Variants in ROBO1 observed in about 807,000 individuals in gnomAD.
The protein encoded by ROBO1 is roundabout guidance receptor 1.
ROBO1 carries 149 observed loss-of-function variants against 195.9 expected under a neutral mutation model. The ratio of observed to expected loss-of-function variants is 0.76; its 90% CI spans 0.67 to 0.87. The LOEUF (loss-of-function observed/expected upper bound fraction) is 0.87, where lower values mean the gene tolerates loss of function less well. Ranked by LOEUF, ROBO1 falls within the 40% of genes least tolerant of loss-of-function variation. The pLI is 0.00. For synonymous variants in ROBO1, 816 were observed against 733.2 expected (o/e 1.11, Z -1.82); for missense variants, 1,933 against 2,068.3 (o/e 0.93, Z 1.27).
chr3:78,770,723 T>C (rs923154954), intron 4 of ROBO1, among the ~76,000 whole-genome samples: 6 of 152,172 alleles, frequency 3.9e-5, no homozygotes. Flanking sequence ...CAGAATAGTG[T>C]ATCCTAGGTT....
intron 4 of ROBO1, among the ~76,000 whole-genome samples, chr3:78,865,549 G>A (rs568860458): frequency 6.8e-6 from 1 of 148,006 alleles, no homozygotes; most frequent in East Asian, 2.0e-4. Flanking sequence ...TTGGCTCACT[G>A]CAAGCTCCGC....
intron 1 of ROBO1, among the ~76,000 whole-genome samples, chr3:79,732,976 T>C (rs867670948): frequency 6.6e-6 from 1 of 152,226 alleles, no homozygotes; most frequent in African/African-American, 2.4e-5. Context: ...AACGACATTA[T>C]TTCCGAAACC....
chr3:79,623,611 C>T (rs1945079227), intron 1 of ROBO1, among the ~76,000 whole-genome samples: 1 of 151,892 alleles, frequency 6.6e-6, no homozygotes, highest in Non-Finnish European at 1.5e-5. Flanking sequence ...GGAAGACTGC[C>T]TTATTAAAAC....
rs1280967625 is a variant in ROBO1 at position 78,900,259 on chromosome 3, T to C, written c.499+38342A>G. Among the ~76,000 whole-genome samples, 3 of 152,220 alleles carry C rather than the reference T, an allele frequency of 2.0e-5. No homozygotes were observed. The East Asian group carries it at 5.8e-4, about 29-fold the overall frequency. The stretch of plus-strand genomic sequence containing the variant: ...TTTGGTTTGCCAGGGGAATTCTTAA[T>C]AAATTCTGAATTATTTCATAATTTC... On this transcript the variant is annotated intron_variant, in intron 4 of 30. Transcript: ENST00000464233.
chr3:79,728,035 T>A (rs965191426), intron 1 of ROBO1, among the ~76,000 whole-genome samples: 18 of 152,202 alleles, frequency 1.2e-4, no homozygotes, highest in African/African-American at 4.1e-4. Flanking sequence ...GAAAAAATAA[T>A]CACGCCCCAA....
intron 2 of ROBO1, among the ~76,000 whole-genome samples, chr3:79,542,116 C>T (rs1257177653): frequency 6.6e-6 from 1 of 151,814 alleles, no homozygotes; most frequent in Non-Finnish European, 1.5e-5. Context: ...AATATTTTTT[C>T]ACAGCCATTG....
chr3:79,196,583 T>C (rs772169413), intron 2 of ROBO1, among the ~76,000 whole-genome samples: 3 of 151,796 alleles, frequency 2.0e-5, no homozygotes, highest in Non-Finnish European at 4.4e-5. Context: ...CCAATTTTAG[T>C]CATATTGATT....
chr3:79,097,636 T>C (rs1294828550), intron 3 of ROBO1, among the ~76,000 whole-genome samples: 1 of 151,776 alleles, frequency 6.6e-6, no homozygotes, highest in Non-Finnish European at 1.5e-5. Flanking sequence ...ATTAATCCAC[T>C]AAGAATCAAG....
At chr3:78,617,496 C>T (rs1488165097) in intron 27 of ROBO1, 139 bp downstream of exon 27, 7 of 738,512 alleles carry the variant, frequency 9.5e-6, no homozygotes, top group Non-Finnish European at 1.4e-5. Flanking sequence ...CTGTCATTTC[C>T]TTAGGCAGCT....
intron 2 of ROBO1, among the ~76,000 whole-genome samples, chr3:79,158,788 C>A (rs1274377259): frequency 6.6e-6 from 1 of 151,616 alleles, no homozygotes; most frequent in Admixed American, 6.6e-5. Flanking sequence ...ATGTTCATAC[C>A]ATATTTAATA....
rs147145830 is a variant in ROBO1, at chr3:79,733,282, T to C, written c.-51+34470A>G. Among the ~76,000 whole-genome samples the C allele has an allele frequency of 2.8e-3, 434 of 152,356 alleles. 2 individuals carry two copies. Among genetic ancestry groups the C allele is most frequent in the African/African-American group, 9.7e-3 (405 of 41,582 alleles). ...CTATATTTCCCATTAACCATACAGTTAGAAAAACTTTCTCATATGCAAATA... is the reference window on the plus strand; with the variant it reads ...CTATATTTCCCATTAACCATACAGTCAGAAAAACTTTCTCATATGCAAATA... On this transcript the variant is annotated intron_variant, in intron 1 of 30. Coordinates refer to ENST00000464233, the MANE Select transcript of ROBO1 (RefSeq NM_002941.4).
chr3:79,153,289 G>T (rs1430591016), intron 2 of ROBO1, among the ~76,000 whole-genome samples: 2 of 151,682 alleles, frequency 1.3e-5, no homozygotes, highest in Admixed American at 1.3e-4. Flanking sequence ...GCAGAGGATT[G>T]GGTCTCCACT....
At chr3:78,821,378 C>A (rs2030921884) in intron 4 of ROBO1, among the ~76,000 whole-genome samples, 1 of 151,788 alleles carries the variant, frequency 6.6e-6, no homozygotes, top group Non-Finnish European at 1.5e-5. Flanking sequence ...GTTGGCCAGG[C>A]TGGTCGCAAA....
chr3:79,015,103 C>T lies in ROBO1; in HGVS notation c.173-76176G>A, dbSNP rs1479764140. ...AAAAACTTCAGGTAAACTTTCTGTT[C>T]TAAGACCTTTAAATCACAAATGTCT... is the stretch of plus-strand genomic sequence containing the variant. On this transcript the variant is annotated intron_variant, in intron 3 of 30. Transcript: ENST00000464233. Among the ~76,000 whole-genome samples, 25 of 152,156 alleles carry T rather than the reference C, an allele frequency of 1.6e-4. 1 individual carries two copies. Among genetic ancestry groups the T allele is most frequent in the Admixed American group, 1.6e-3 (25 of 15,270 alleles).
At chr3:79,390,281 C>G (rs752839843) in intron 2 of ROBO1, among the ~76,000 whole-genome samples, 9 of 151,560 alleles carry the variant, frequency 5.9e-5, no homozygotes, top group Non-Finnish European at 8.8e-5. Context: ...GATACCGGCT[C>G]TGAAACAACA....
chr3:79,052,629 C>G (rs2078723332), intron 3 of ROBO1, among the ~76,000 whole-genome samples: 1 of 152,046 alleles, frequency 6.6e-6, no homozygotes, highest in Non-Finnish European at 1.5e-5. Context: ...CCCCCAGAGA[C>G]CCAGCTGTAA....
chr3:79,672,070 A>T (rs1946649066), intron 1 of ROBO1, among the ~76,000 whole-genome samples: 1 of 151,998 alleles, frequency 6.6e-6, no homozygotes, highest in African/African-American at 2.4e-5. Context: ...TTCAAGAATT[A>T]ATTAGACATT....
intron 2 of ROBO1, among the ~76,000 whole-genome samples, chr3:79,480,499 T>C (rs988774184): frequency 2.6e-5 from 4 of 152,134 alleles, no homozygotes; most frequent in Non-Finnish European, 5.9e-5. Flanking sequence ...ATGGGCTAGG[T>C]AAATTTTTTT....
At chr3:79,510,250 C>T (rs937700101) in intron 2 of ROBO1, among the ~76,000 whole-genome samples, 1 of 152,164 alleles carries the variant, frequency 6.6e-6, no homozygotes, top group South Asian at 2.1e-4. Context: ...CTGCTGTTCT[C>T]ATGACAGTGA....
Sources: allele counts gnomAD v4.1 joint callset (sites outside exome capture counted in the v4.1 genomes callset), GRCh38; gene constraint gnomAD v4.1.1; transcripts MANE v1.5; gene names NCBI Gene and HGNC (gene_info 2026-07-23, HGNC 2026-07-21).